SYT14: variants seen among roughly 807,000 people sequenced by gnomAD.
SYT14 encodes the protein synaptotagmin-14.
A neutral mutation model predicts 74.2 loss-of-function variants in SYT14; 32 were observed. The ratio of observed to expected loss-of-function variants is 0.43; its 90% CI spans 0.33 to 0.58. The LOEUF is 0.58. SYT14 is among the 20% of genes least tolerant of loss of function. SYT14 has a pLI of 0.05. For missense variants in SYT14, 791 were observed against 981.8 expected (o/e 0.81, Z 2.60); for synonymous variants, 298 against 337.7 (o/e 0.88, Z 1.29).
intron 5 of SYT14, among the ~76,000 whole-genome samples, chr1:210,047,973 G>A (rs2080917828): frequency 6.6e-6 from 1 of 152,142 alleles, no homozygotes; most frequent in Non-Finnish European, 1.5e-5. Context: ...AACTTTGCTT[G>A]TTTAAGTGGT....
At chr1:210,162,003 A>G (rs1397562221) in exon 10 of SYT14, 1 of 453,684 alleles carries the variant, frequency 2.2e-6, no homozygotes. Context: ...CTGAGTATTT[A>G]GTAACCAACA....
At position 210,100,473 on chromosome 1, in the gene SYT14, A is replaced by G; in HGVS notation, c.2034+12A>G. 6.2e-7 allele frequency: 1 copy of G among 1,609,894 alleles called. No homozygotes were observed. Among genetic ancestry groups the G allele is most frequent in the Non-Finnish European group, 8.5e-7 (1 of 1,177,302 alleles). On this transcript the variant is annotated intron_variant, in intron 7 of 9. Transcript: ENST00000637265. ...CTTACAATCATTCTGTGAGTATCTC[A>G]TCAAATGGCCTGAATACAGTTTATG...
intron 5 of SYT14, among the ~76,000 whole-genome samples, chr1:210,080,000 C>T (rs1472678383): frequency 1.3e-5 from 2 of 152,032 alleles, no homozygotes; most frequent in Non-Finnish European, 2.9e-5. Flanking sequence ...TTGAGTTGTC[C>T]TCATAGTATT....
intron 2 of SYT14, among the ~76,000 whole-genome samples, chr1:209,979,596 C>T (rs2079443383): frequency 6.6e-6 from 1 of 152,074 alleles, no homozygotes; most frequent in South Asian, 2.1e-4. Flanking sequence ...TGGTGCTTTC[C>T]CTCCTGCTGC....
chr1:210,023,469 G>A (rs1366525884), intron 5 of SYT14, among the ~76,000 whole-genome samples: 2 of 152,016 alleles, frequency 1.3e-5, no homozygotes, highest in African/African-American at 4.8e-5. Flanking sequence ...TCAGCCTCCC[G>A]AGTAGCTGGG....
intron 2 of SYT14, among the ~76,000 whole-genome samples, chr1:209,979,170 C>G (rs6682546): frequency 6.6e-5 from 10 of 152,110 alleles, no homozygotes; most frequent in African/African-American, 2.4e-4. Flanking sequence ...GGCGATGCCT[C>G]GCCCTGCTTT....
chr1:210,135,737 A>G (rs553651258), intron 7 of SYT14, among the ~76,000 whole-genome samples: 15 of 152,268 alleles, frequency 9.9e-5, no homozygotes, highest in East Asian at 7.7e-4. Flanking sequence ...CTTGGATGCA[A>G]TCAGGCAACT....
At chr1:210,091,382 A>G (rs1015689323) in intron 5 of SYT14, among the ~76,000 whole-genome samples, 1 of 152,226 alleles carries the variant, frequency 6.6e-6, no homozygotes, top group African/African-American at 2.4e-5. Flanking sequence ...ACAGGCAGAA[A>G]AAAAATACTC....
chr1:210,050,767 GACTC>G (rs1028705939), intron 5 of SYT14, among the ~76,000 whole-genome samples: 4 of 152,166 alleles, frequency 2.6e-5, no homozygotes, highest in African/African-American at 7.2e-5. Flanking sequence ...GATCTTGTGA[GACTC>G]ACTCACTATC....
At chr1:210,156,733 G>T (rs1272627110) in intron 8 of SYT14, 1 of 94,190 alleles carries the variant, frequency 1.1e-5, no homozygotes, top group Non-Finnish European at 2.1e-5. Flanking sequence ...TGTTCTTATC[G>T]CCTAGGCTGG....
intron 1 of SYT14, among the ~76,000 whole-genome samples, chr1:209,942,716 A>G (rs907724297): frequency 9.2e-5 from 14 of 152,164 alleles, no homozygotes; most frequent in Non-Finnish European, 1.9e-4. Flanking sequence ...GTCCTTAATG[A>G]TCTAACTTCC....
chr1:209,984,469 T>G (rs1270173628), intron 2 of SYT14, among the ~76,000 whole-genome samples: 1 of 152,192 alleles, frequency 6.6e-6, no homozygotes, highest in African/African-American at 2.4e-5. Context: ...TTCTCCCTCA[T>G]TTTCTGTGAT....
intron 1 of SYT14, among the ~76,000 whole-genome samples, chr1:209,949,465 C>T (rs936239422): frequency 1.3e-5 from 2 of 151,164 alleles, no homozygotes; most frequent in East Asian, 2.0e-4. Context: ...CCCAGCTACT[C>T]GGGAGGCTGA....
chr1:209,975,026 T>C (rs1329711961), intron 2 of SYT14, among the ~76,000 whole-genome samples: 1 of 152,160 alleles, frequency 6.6e-6, no homozygotes, highest in African/African-American at 2.4e-5. Flanking sequence ...CTGTTATTGG[T>C]GTATAAGAAT....
chr1:210,028,911 T>C (rs1415522464), intron 5 of SYT14, among the ~76,000 whole-genome samples: 1 of 152,198 alleles, frequency 6.6e-6, no homozygotes, highest in Admixed American at 6.5e-5. Flanking sequence ...CGTTCCAATT[T>C]CTCTGCCTCC....
chr1:210,021,528 G>A (rs769699382), intron 5 of SYT14, among the ~76,000 whole-genome samples: 9 of 152,332 alleles, frequency 5.9e-5, no homozygotes, highest in Non-Finnish European at 1.2e-4. Flanking sequence ...TAGCAAGCAT[G>A]ATATGAAAGA....
At chr1:210,065,190 A>G (rs1479986802) in intron 5 of SYT14, among the ~76,000 whole-genome samples, 1 of 152,152 alleles carries the variant, frequency 6.6e-6, no homozygotes, top group East Asian at 1.9e-4. Flanking sequence ...TTGATGCACA[A>G]AAGTGCTTGC....
At chr1:210,146,991 A>G (rs1414896878) in intron 7 of SYT14, among the ~76,000 whole-genome samples, 1 of 152,126 alleles carries the variant, frequency 6.6e-6, no homozygotes, top group Non-Finnish European at 1.5e-5. Flanking sequence ...AATAATTTCC[A>G]TTGAAGATGA....
rs564253708 is a variant in SYT14, at chr1:210,068,596, A to G, written c.1313-25726A>G. Among the ~76,000 whole-genome samples the G allele has an allele frequency of 3.3e-5, 5 of 151,702 alleles. No individual in the cohort carries two copies. In the South Asian group the frequency reaches 1.0e-3, roughly 31 times the overall value. On this transcript the variant is annotated intron_variant, in intron 5 of 9. Coordinates refer to ENST00000637265, the Ensembl canonical transcript of SYT14. Reference sequence around the variant, plus strand: ...TAATGTAGGTGTCATTGGATTCTCTATTTCTTCATGAGTCAGTTTTGGTAA... The same window carrying G: ...TAATGTAGGTGTCATTGGATTCTCTGTTTCTTCATGAGTCAGTTTTGGTAA...
Sources: allele counts gnomAD v4.1 joint callset (sites outside exome capture counted in the v4.1 genomes callset), GRCh38; gene constraint gnomAD v4.1.1; transcripts MANE v1.5; gene names NCBI Gene and HGNC (gene_info 2026-07-23, HGNC 2026-07-21).